SLIT1: variants seen among roughly 807,000 people sequenced by gnomAD.
SLIT1 encodes slit homolog 1 protein.
In SLIT1, 66 loss-of-function variants were observed where a neutral mutation model predicts 186.1. That is an observed-to-expected ratio of 0.35 (90% CI 0.29 to 0.44). SLIT1 has a LOEUF of 0.44. Ranked by LOEUF, SLIT1 falls within the 20% of genes least tolerant of loss-of-function variation. SLIT1 has a pLI of 1.00. For synonymous variants in SLIT1, 761 were observed against 833.8 expected, an observed-to-expected ratio of 0.91 and a Z score of 1.50; for missense variants, 1,638 against 2,037.4, an observed-to-expected ratio of 0.80 and a Z score of 3.77.
chr10:97,065,948 C>G (rs11591341), intron 5 of SLIT1, 67 bp downstream of exon 5: 49,330 of 1,219,786 alleles, frequency 0.04, 1,342 homozygotes, highest in South Asian at 0.1. Context: ...TCAGGGATAC[C>G]CTGAGGATGC....
chr10:97,034,065 A>C (rs535630965), intron 23 of SLIT1, among the ~76,000 whole-genome samples: 9 of 152,112 alleles, frequency 5.9e-5, no homozygotes, highest in African/African-American at 2.2e-4. Context: ...GGGTTTCACC[A>C]TGTTGGTCAG....
chr10:97,144,771 C>A (rs1023554475), intron 4 of SLIT1, among the ~76,000 whole-genome samples: 2 of 152,182 alleles, frequency 1.3e-5, no homozygotes, highest in Admixed American at 1.3e-4. Flanking sequence ...TTGTCCTCAG[C>A]ATCCAAGCAA....
rs979542702 is a variant in SLIT1 at position 97,049,233 on chromosome 10, G to T, written c.1302-115C>A. 5.5e-6 allele frequency: 7 copies of T among 1,280,796 alleles called. No individual in the cohort carries two copies. The Admixed American group carries it at 1.6e-4, about 30-fold the overall frequency. The allele number at this position is 1,280,796 out of a possible 1,614,324, so 79.3% of individuals were successfully genotyped here. ...CCAAGGAGGCTGCCTGTGGCCTGGA[G>T]CCTAGGGTCAGCCACGGGGGGAAAG... On this transcript the variant is annotated intron_variant, in intron 13 of 36. Transcript: ENST00000266058.
intron 15 of SLIT1, 28 bp downstream of exon 15, chr10:97,047,945 C>G (rs1029814028): frequency 1.2e-6 from 2 of 1,613,974 alleles, no homozygotes; most frequent in Non-Finnish European, 1.7e-6. Flanking sequence ...TCCCGCCAGG[C>G]TGGCCTTGGA....
At chr10:97,105,758 AGCCGTG>A (rs1397865308) in intron 4 of SLIT1, among the ~76,000 whole-genome samples, 1 of 152,198 alleles carries the variant, frequency 6.6e-6, no homozygotes, top group East Asian at 1.9e-4. Flanking sequence ...GGACATTGTT[AGCCGTG>A]GCCCCTCTGG....
intron 31 of SLIT1, among the ~76,000 whole-genome samples, chr10:97,008,776 C>A (rs761936035): frequency 9.9e-5 from 15 of 151,834 alleles, no homozygotes; most frequent in Non-Finnish European, 1.9e-4. Context: ...CAGTTGACTT[C>A]TTTGCAGAAC....
rs552404059 is a variant in SLIT1 at position 97,130,053 on chromosome 10, C to G, written c.413+27765G>C. On this transcript the variant is annotated intron_variant, in intron 4 of 36. Transcript: ENST00000266058. ...ACGACCTCTTCTGGCAGGGCAGCCT[C>G]TCCGCCGCCAGGAACAGGAGCCAAG... Among the ~76,000 whole-genome samples the G allele has an allele frequency of 3.3e-4, 51 of 152,350 alleles. 1 individual carries two copies. In the South Asian group the frequency reaches 0.011, roughly 32 times the overall value.
At chr10:97,164,741 C>A (rs1301334342) in intron 2 of SLIT1, 78 bp downstream of exon 2, 1 of 1,112,524 alleles carries the variant, frequency 9.0e-7, no homozygotes, top group Non-Finnish European at 1.4e-6. Context: ...CACCACCCTA[C>A]CACCCACAGC....
At chr10:97,181,085 G>T (rs1850331020) in intron 1 of SLIT1, among the ~76,000 whole-genome samples, 1 of 152,178 alleles carries the variant, frequency 6.6e-6, no homozygotes, top group African/African-American at 2.4e-5. Flanking sequence ...TACAGATGGG[G>T]AAACTGGGTC....
rs751219268 is a variant in SLIT1, at chr10:97,111,682, T to C, written c.414-45596A>G. Among the ~76,000 whole-genome samples the C allele has an allele frequency of 5.9e-5, 9 of 152,316 alleles. No individual in the cohort carries two copies. In the South Asian group the frequency reaches 1.9e-3, roughly 32 times the overall value. ...TGTTTTGCTTTGATAATGCCTATTCTCTGAAGCGCCTGGCGTCAGACAAAC... is the reference window on the plus strand; with the variant it reads ...TGTTTTGCTTTGATAATGCCTATTCCCTGAAGCGCCTGGCGTCAGACAAAC... On this transcript the variant is annotated intron_variant, in intron 4 of 36. Coordinates refer to ENST00000266058, the MANE Select transcript of SLIT1 (RefSeq NM_003061.3).
intron 28 of SLIT1, among the ~76,000 whole-genome samples, chr10:97,018,045 C>T (rs1015307264): frequency 2.0e-5 from 3 of 152,036 alleles, no homozygotes; most frequent in African/African-American, 4.8e-5. Context: ...GATGGGGTTT[C>T]ACTATGTTGG....
intron 28 of SLIT1, among the ~76,000 whole-genome samples, chr10:97,014,463 G>A (rs1237910020): frequency 3.3e-5 from 5 of 152,188 alleles, no homozygotes; most frequent in Non-Finnish European, 7.4e-5. Context: ...GCTCCTCCTT[G>A]GCACAAAGTG....
At chr10:97,122,778 C>T (rs1247101902) in intron 4 of SLIT1, among the ~76,000 whole-genome samples, 1 of 152,100 alleles carries the variant, frequency 6.6e-6, no homozygotes, top group Non-Finnish European at 1.5e-5. Flanking sequence ...AAGCTGCTTG[C>T]CAGTGCCAGC....
In SLIT1 at chr10:97,113,839, A is replaced by G. The variant is rs192826701; in HGVS notation, c.413+43979T>C. Among the ~76,000 whole-genome samples, 260 of 152,366 alleles carry G rather than the reference A, an allele frequency of 1.7e-3. 2 individuals carry two copies. Among genetic ancestry groups the G allele is most frequent in the African/African-American group, 5.2e-3 (218 of 41,600 alleles). ...CCAAAGTGCTGGGATTACAGGCGTG[A>G]GCCCGGCCTCTTTTAAGATTTTTAA... On this transcript the variant is annotated intron_variant, in intron 4 of 36. Coordinates refer to ENST00000266058, the MANE Select transcript of SLIT1 (RefSeq NM_003061.3).
chr10:97,131,868 T>G (rs1849657498), intron 4 of SLIT1, among the ~76,000 whole-genome samples: 1 of 152,152 alleles, frequency 6.6e-6, no homozygotes, highest in Non-Finnish European at 1.5e-5. Flanking sequence ...GGACTAAGTA[T>G]CCGCATGCTG....
chr10:97,038,091 C>T (rs1234800644), intron 21 of SLIT1, among the ~76,000 whole-genome samples: 1 of 152,116 alleles, frequency 6.6e-6, no homozygotes, highest in Non-Finnish European at 1.5e-5. Context: ...CCCTGCTCTG[C>T]TCTTTCCTGG....
intron 4 of SLIT1, among the ~76,000 whole-genome samples, chr10:97,145,982 C>G (rs1266559457): frequency 1.3e-5 from 2 of 152,208 alleles, no homozygotes; most frequent in Non-Finnish European, 2.9e-5. Flanking sequence ...CACCCCAAAC[C>G]CAACATTTGA....
At chr10:97,047,860 G>A in intron 15 of SLIT1, 26 bp from the exon 16 acceptor site, 5 of 1,613,452 alleles carry the variant, frequency 3.1e-6, no homozygotes, top group Non-Finnish European at 4.2e-6. Flanking sequence ...GGGGGCAGAG[G>A]CTGAGGAGCC....
chr10:97,020,946 G>C (rs149459120), intron 26 of SLIT1, among the ~76,000 whole-genome samples: 220 of 152,370 alleles, frequency 1.4e-3, no homozygotes, highest in Non-Finnish European at 2.6e-3. Flanking sequence ...CCAAAGGGAG[G>C]TCTGAGCGCA....
Sources: gnomAD v4.1 joint callset for allele counts (sites outside exome capture counted in the v4.1 genomes callset) on GRCh38, gnomAD v4.1.1 for gene constraint, MANE v1.5 for transcripts, NCBI Gene and HGNC (gene_info 2026-07-23, HGNC 2026-07-21) for gene names.